Variants in NELL2 observed in about 807,000 individuals in gnomAD.
NELL2 encodes the protein neural EGFL like 2, also known as protein kinase C-binding protein NELL2.
A neutral mutation model predicts 109.6 loss-of-function variants in NELL2; 41 were observed. The ratio of observed to expected loss-of-function variants is 0.37; its 90% confidence interval spans 0.29 to 0.49. The LOEUF is 0.49. NELL2 is among the 20% of genes least tolerant of loss of function. NELL2 has a pLI of 0.98. For synonymous variants in NELL2, 355 were observed against 344.7 expected (o/e 1.03, Z -0.33); for missense variants, 900 against 1,008.3 (o/e 0.89, Z 1.45).
intron 15 of NELL2, among the ~76,000 whole-genome samples, chr12:44,559,665 C>CTATATA: frequency 6.6e-6 from 1 of 152,034 alleles, no homozygotes; most frequent in Admixed American, 6.6e-5. Context: ...ACAGGAGCAC[C>CTATATA]CAGATTCATA....
rs1477177198 is a variant in NELL2 at position 44,534,931 on chromosome 12, A to T, written c.1664-2210T>A. ...GGTTATCTCAGTTTCTATGGTATAGATATATATTTCAATTGTTACTTCTCA... is the reference window on the plus strand; with the variant it reads ...GGTTATCTCAGTTTCTATGGTATAGTTATATATTTCAATTGTTACTTCTCA... On this transcript the variant is annotated intron_variant, in intron 15 of 19. Coordinates refer to ENST00000429094, the MANE Select transcript of NELL2 (RefSeq NM_001145108.2). Among the ~76,000 whole-genome samples, 6 of 152,032 alleles carry T rather than the reference A, an allele frequency of 3.9e-5. No individual in the cohort carries two copies. The East Asian group carries it at 1.2e-3, about 29-fold the overall frequency.
intron 16 of NELL2, among the ~76,000 whole-genome samples, chr12:44,529,686 C>T (rs1941955291): frequency 6.6e-6 from 1 of 152,170 alleles, no homozygotes; most frequent in Admixed American, 6.6e-5. Flanking sequence ...GAATGATCAA[C>T]TGAGTCAAAT....
chr12:44,664,973 A>G (rs1049023263), intron 13 of NELL2, among the ~76,000 whole-genome samples: 3 of 152,148 alleles, frequency 2.0e-5, no homozygotes, highest in African/African-American at 7.2e-5. Flanking sequence ...TTTAGATGAT[A>G]CTAAAAGAGT....
chr12:44,771,906 T>C (rs1941566865), intron 9 of NELL2, among the ~76,000 whole-genome samples: 1 of 152,192 alleles, frequency 6.6e-6, no homozygotes. Context: ...CACCAAAAAG[T>C]GACTGGCCAC....
intron 15 of NELL2, among the ~76,000 whole-genome samples, chr12:44,538,815 C>T (rs1423136649): frequency 1.3e-5 from 2 of 152,190 alleles, no homozygotes; most frequent in African/African-American, 4.8e-5. Flanking sequence ...ACCAAGTTCA[C>T]ATTCCATGTC....
chr12:44,586,046 C>T (rs908488675), intron 15 of NELL2, among the ~76,000 whole-genome samples: 3 of 151,662 alleles, frequency 2.0e-5, no homozygotes, highest in Non-Finnish European at 4.4e-5. Flanking sequence ...CTATGACTTG[C>T]TATTTACTAC....
intron 1 of NELL2, among the ~76,000 whole-genome samples, chr12:44,907,799 A>G (rs1292212821): frequency 6.6e-6 from 1 of 152,070 alleles, no homozygotes; most frequent in Non-Finnish European, 1.5e-5. Context: ...GATTGGAGAA[A>G]AACAAGGGAA....
intron 13 of NELL2, among the ~76,000 whole-genome samples, chr12:44,649,179 C>T (rs1403043366): frequency 1.3e-5 from 2 of 151,910 alleles, no homozygotes; most frequent in African/African-American, 2.4e-5. Flanking sequence ...TAGATCCTTC[C>T]TTATTTTTCT....
intron 2 of NELL2, among the ~76,000 whole-genome samples, chr12:44,818,758 C>T (rs1592595214): frequency 6.8e-5 from 6 of 88,586 alleles, no homozygotes; most frequent in Middle Eastern, 0.013. Context: ...TTTTTTGAGA[C>T]GGAGTCTCGC....
At position 44,703,730 on chromosome 12, in the gene NELL2, A is replaced by C. The variant is rs905551077; in HGVS notation, c.1314T>G (p.Cys438Trp). 6.2e-7 allele frequency: 1 copy of C among 1,613,348 alleles called. No homozygotes were observed. The highest frequency in any genetic ancestry group is 8.5e-7 in the Non-Finnish European group (1 of 1,179,508). The change falls in exon 12 of 20, where the codon TGT (cysteine) becomes TGG (tryptophan). Residue 438 changes from cysteine to tryptophan, a missense_variant. By Grantham distance (215) the Cys-to-Trp change is radical. This residue lies in a region of NELL2 where 292 missense variants were observed against 265.3 expected (regional missense o/e 1.10). Coordinates refer to ENST00000429094, the MANE Select transcript of NELL2 (RefSeq NM_001145108.2). ...FRALREDNAY[C>W]EDIDECAEGR... The stretch of plus-strand genomic sequence containing the variant: ...ACACATCATTACAAGGATTACCTTC[A>C]CAGTAGGCATTATCCTCTCGAAGAG...
At chr12:44,748,295 A>G (rs1372933997) in intron 9 of NELL2, among the ~76,000 whole-genome samples, 3 of 152,178 alleles carry the variant, frequency 2.0e-5, no homozygotes, top group African/African-American at 7.2e-5. Flanking sequence ...CTCAACAACA[A>G]CAACAAAATT....
chr12:44,729,938 C>T (rs1939282514), intron 9 of NELL2, among the ~76,000 whole-genome samples: 1 of 152,118 alleles, frequency 6.6e-6, no homozygotes, highest in Non-Finnish European at 1.5e-5. Context: ...TTACAGGTGC[C>T]TGCCCCCACA....
intron 13 of NELL2, among the ~76,000 whole-genome samples, chr12:44,614,867 T>C (rs1719774159): frequency 6.6e-6 from 1 of 152,108 alleles, no homozygotes; most frequent in African/African-American, 2.4e-5. Context: ...ATCCATGCTC[T>C]GTTCAAAAAT....
At chr12:44,723,420 A>T (rs1938898410) in intron 9 of NELL2, among the ~76,000 whole-genome samples, 1 of 152,162 alleles carries the variant, frequency 6.6e-6, no homozygotes, top group Admixed American at 6.5e-5. Context: ...ATCTGATGGA[A>T]TTTGGCCTAT....
intron 17 of NELL2, chr12:44,523,051 G>A: frequency 1.9e-6 from 1 of 528,914 alleles, no homozygotes. Flanking sequence ...TGAGGCTCTA[G>A]AAAATACAAA....
chr12:44,674,667 T>C (rs1948248919), intron 12 of NELL2, among the ~76,000 whole-genome samples: 1 of 152,160 alleles, frequency 6.6e-6, no homozygotes, highest in South Asian at 2.1e-4. Flanking sequence ...TTAAAGCATT[T>C]GGAAGAAGCG....
At chr12:44,642,305 A>T (rs1490698129) in intron 13 of NELL2, among the ~76,000 whole-genome samples, 7 of 152,212 alleles carry the variant, frequency 4.6e-5, no homozygotes, top group African/African-American at 1.7e-4. Flanking sequence ...CAGCCAAAAT[A>T]GATTAAAGAG....
intron 3 of NELL2, among the ~76,000 whole-genome samples, chr12:44,791,487 C>T (rs923847511): frequency 4.0e-5 from 6 of 151,232 alleles, no homozygotes; most frequent in East Asian, 2.0e-4. Flanking sequence ...GTATACTGCT[C>T]GGTATAGAGC....
Position 44,875,204 on chromosome 12 carries a change from G to A in NELL2, c.184+21C>T, listed in dbSNP as rs199504127. On this transcript the variant is annotated intron_variant, in intron 2 of 19. Coordinates refer to ENST00000429094, the MANE Select transcript of NELL2 (RefSeq NM_001145108.2). Reference sequence around the variant, plus strand: ...TTATCGGAACTGAAATCACAGTGGGGATGCAGCACGCCGGGCATACCTTGA... The same window carrying A: ...TTATCGGAACTGAAATCACAGTGGGAATGCAGCACGCCGGGCATACCTTGA... The A allele has an allele frequency of 2.5e-6, 4 of 1,602,648 alleles. No homozygotes were observed. In the African/African-American group the frequency reaches 5.3e-5, roughly 21 times the overall value.
Sources: gnomAD v4.1 joint callset for allele counts (sites outside exome capture counted in the v4.1 genomes callset) on GRCh38, gnomAD v4.1.1 for gene constraint, gnomAD v4.1.1 regional missense constraint, MANE v1.5 for transcripts, NCBI Gene and HGNC (gene_info 2026-07-23, HGNC 2026-07-21) for gene names.